The following ZMYND11 variants were observed in gnomAD, a reference collection of about 807,000 sequenced individuals.
The protein encoded by ZMYND11 is zinc finger MYND domain-containing protein 11.
ZMYND11 carries 9 observed loss-of-function variants against 84.9 expected under a neutral mutation model. The observed-to-expected ratio is 0.11, with a 90% confidence interval of 0.06 to 0.18. ZMYND11 has a LOEUF of 0.18. ZMYND11 is among the 10% of genes least tolerant of loss of function. ZMYND11 has a pLI of 1.00. For synonymous variants in ZMYND11, 250 were observed against 244.1 expected, an observed-to-expected ratio of 1.02 and a Z score of -0.23; for missense variants, 409 against 761.0, an observed-to-expected ratio of 0.54 and a Z score of 5.44.
chr10:213,218 C>T (rs537478427), intron 3 of ZMYND11, among the ~76,000 whole-genome samples: 1 of 152,242 alleles, frequency 6.6e-6, no homozygotes, highest in East Asian at 1.9e-4. Context: ...CAAAAGTCAC[C>T]AGTGCATTTA....
intron 4 of ZMYND11, 124 bp downstream of exon 4, chr10:221,480 C>T: frequency 1.0e-5 from 9 of 898,928 alleles, no homozygotes; most frequent in Non-Finnish European, 1.5e-5. Context: ...TGGGGGTTAT[C>T]TAATGAAATG....
chr10:139,065 C>G (rs553545572), intron 1 of ZMYND11, among the ~76,000 whole-genome samples: 14 of 152,256 alleles, frequency 9.2e-5, no homozygotes, highest in Middle Eastern at 3.4e-3. Context: ...CTTGGCTTCC[C>G]AAAGCGCTGG....
chr10:135,656 G>GGGC lies in ZMYND11; in HGVS notation c.-20+107_-20+109dup, dbSNP rs1254076335. ...GGAGCCTGCCTGGCCGCGGCCTCTG[G>GGGC]GGCGGCGGCGGCACCAGTGGGTGCT... On this transcript the variant is annotated intron_variant, in intron 1 of 14. Coordinates refer to ENST00000381604, the MANE Select transcript of ZMYND11 (RefSeq NM_001370100.5). The surrounding 1 kb of genome is among the most constrained non-coding windows in gnomAD (Gnocchi z 5.6). 1 of 149,594 alleles carries GGGC rather than the reference G, an allele frequency of 6.7e-6. No homozygotes were observed. Among genetic ancestry groups the GGGC allele is most frequent in the Non-Finnish European group, 1.5e-5 (1 of 66,696 alleles). The allele number at this position is 149,594 out of a possible 1,614,324, so 9.3% of individuals were successfully genotyped here.
intron 2 of ZMYND11, among the ~76,000 whole-genome samples, chr10:192,150 G>A (rs191084782): frequency 1.7e-4 from 26 of 152,226 alleles, no homozygotes; most frequent in East Asian, 3.9e-4. Context: ...CTGCTTTCAC[G>A]GTGCCTGTAT....
intron 1 of ZMYND11, among the ~76,000 whole-genome samples, chr10:173,048 A>G (rs1564314332): frequency 6.6e-6 from 1 of 151,282 alleles, no homozygotes; most frequent in Non-Finnish European, 1.5e-5. Context: ...AAAAAAAAAA[A>G]GAAGAATCAT....
At position 237,663 on chromosome 10, in the gene ZMYND11, C is replaced by G. The variant is rs1366091446; in HGVS notation, c.595C>G (p.Pro199Ala). ...RRLVHSAVDV[P>A]TIQEKVNEGK... ...GCTGGTGCACTCAGCTGTGGACGTT[C>G]CCACCATTCAAGAGGTAAAGTCGGT... is the stretch of plus-strand genomic sequence containing the variant. Residue 199 changes from proline (P) to alanine (A), a missense_variant, in exon 6 of 15, where the codon CCC (proline) becomes GCC (alanine). Around this residue, in one of 7 missense-constraint regions of ZMYND11, gnomAD observed 53 missense variants for 71.1 expected, o/e 0.75. Transcript: ENST00000381604. The G allele has an allele frequency of 2.5e-6, 4 of 1,609,234 alleles. No individual in the cohort carries two copies. The Admixed American group carries it at 6.8e-5, about 27-fold the overall frequency.
chr10:209,983 G>A lies in ZMYND11; in HGVS notation c.211G>A (p.Val71Met). 1.2e-6 allele frequency: 2 copies of A among 1,614,148 alleles called. No individual in the cohort carries two copies. Among genetic ancestry groups the A allele is most frequent in the South Asian group, 2.2e-5 (2 of 91,080 alleles). Reference sequence around the variant, plus strand: ...TGGTCTTATTGTCGAAACTCTAACAGTGGGCTGCAAAGGTTCAAAAGCTGG... The same window carrying A: ...TGGTCTTATTGTCGAAACTCTAACAATGGGCTGCAAAGGTTCAAAAGCTGG... ...KDGLIVETLT[V>M]GCKGSKAGIE... Residue 71 changes from valine to methionine, a missense_variant, in exon 3 of 15, where the codon GTG (valine) becomes ATG (methionine). Physicochemically the swap from Val to Met is conservative, Grantham distance 21. Around this residue, in one of 7 missense-constraint regions of ZMYND11, gnomAD observed 73 missense variants for 185.8 expected, o/e 0.39. Transcript: ENST00000381604.
At chr10:131,500 T>G (rs1338426759), upstream of ZMYND11, among the ~76,000 whole-genome samples, 2 of 152,162 alleles carry the variant, frequency 1.3e-5, no homozygotes, top group Non-Finnish European at 2.9e-5. Flanking sequence ...GGAAGAATCA[T>G]GGCTTTCAAT....
intron 1 of ZMYND11, among the ~76,000 whole-genome samples, chr10:170,563 T>C (rs1294896831): frequency 2.0e-5 from 3 of 152,030 alleles, no homozygotes; most frequent in Non-Finnish European, 4.4e-5. Flanking sequence ...TTCAGAATAT[T>C]GTGTTACTAT....
intron 2 of ZMYND11, among the ~76,000 whole-genome samples, chr10:185,611 C>T (rs138954822): frequency 0.02 from 3,008 of 150,584 alleles, 96 homozygotes; most frequent in African/African-American, 0.069. Context: ...GTCAGGGGTT[C>T]GAGACCAGCC....
upstream of ZMYND11, among the ~76,000 whole-genome samples, chr10:131,187 C>T (rs1476833361): frequency 1.3e-5 from 2 of 152,198 alleles, no homozygotes; most frequent in Admixed American, 6.5e-5. Context: ...AGAAGGCACA[C>T]ACATACACAA....
At chr10:153,707 T>C (rs1384086746) in intron 1 of ZMYND11, among the ~76,000 whole-genome samples, 2 of 152,228 alleles carry the variant, frequency 1.3e-5, no homozygotes, top group Non-Finnish European at 2.9e-5. Flanking sequence ...CCTGTTGTCC[T>C]AGGGGAAATA....
Position 236,692 on chromosome 10 carries a change from A to C in ZMYND11, c.439-146A>C, listed in dbSNP as rs540695317. On this transcript the variant is annotated intron_variant, in intron 4 of 14. Coordinates refer to ENST00000381604, the MANE Select transcript of ZMYND11 (RefSeq NM_001370100.5). ...GCTGTTTTTTTTATGCAAATGTCAA[A>C]GATTTCTGTCAGATATGTTGGAAAA... 9 of 643,584 alleles carry C rather than the reference A, an allele frequency of 1.4e-5. No homozygotes were observed. The East Asian group carries it at 2.7e-4, about 19-fold the overall frequency. 39.9% of individuals were successfully genotyped at this position (643,584 alleles called of 1,614,324 possible).
chr10:248,353 A>G lies in ZMYND11; in HGVS notation c.1245A>G (p.Thr415=). The change falls in exon 13 of 15, where the codon ACA becomes ACG. Residue 415 remains threonine, a synonymous_variant. Transcript: ENST00000381604. ...CCTTTTAGGAACCAGAGCCTGAAAC[A>G]GAAGCAGTAAGTTCTAGCCAGGAAA... The part of the protein sequence containing the change: ...EPKKEEPEPE[T]EAVSSSQEIP... The G allele has an allele frequency of 6.2e-7, 1 of 1,613,774 alleles. No homozygotes were observed.
chr10:153,682 A>C (rs1337929463), intron 1 of ZMYND11, among the ~76,000 whole-genome samples: 1 of 152,212 alleles, frequency 6.6e-6, no homozygotes, highest in Non-Finnish European at 1.5e-5. Flanking sequence ...TATGCAGTGA[A>C]TTGATGAATG....
intron 10 of ZMYND11, among the ~76,000 whole-genome samples, chr10:243,469 A>G (rs900719948): frequency 1.3e-5 from 2 of 152,232 alleles, no homozygotes; most frequent in Admixed American, 1.3e-4. Context: ...TTTTTCATCA[A>G]CTTGCAAGTA....
At chr10:149,362 G>C (rs990053891) in intron 1 of ZMYND11, among the ~76,000 whole-genome samples, 4 of 151,066 alleles carry the variant, frequency 2.6e-5, no homozygotes, top group Non-Finnish European at 4.4e-5. Flanking sequence ...CCAGGCTGGA[G>C]TGCAGTGGCG....
At chr10:137,862 G>A (rs1836488260) in intron 1 of ZMYND11, among the ~76,000 whole-genome samples, 1 of 152,142 alleles carries the variant, frequency 6.6e-6, no homozygotes. Context: ...CAAAATATTT[G>A]TCTTGCTTGA....
At chr10:205,612 G>T (rs1408332112) in intron 2 of ZMYND11, among the ~76,000 whole-genome samples, 1 of 152,012 alleles carries the variant, frequency 6.6e-6, no homozygotes, top group Non-Finnish European at 1.5e-5. Context: ...AGCACTTGAG[G>T]ATGGGAGGTC....
Sources: gnomAD v4.1 joint callset for allele counts (sites outside exome capture counted in the v4.1 genomes callset) on GRCh38, gnomAD v4.1.1 for gene constraint, gnomAD v4.1.1 regional missense constraint, Gnocchi (gnomAD v3.1) non-coding constraint, MANE v1.5 for transcripts, NCBI Gene and HGNC (gene_info 2026-07-23, HGNC 2026-07-21) for gene names.